Variants in ANAPC1 observed in about 807,000 individuals in gnomAD.
ANAPC1 encodes the protein anaphase-promoting complex subunit 1.
ANAPC1 carries 36 observed loss-of-function variants against 208.0 expected under a neutral mutation model. That is an observed-to-expected ratio of 0.17 (90% CI 0.13 to 0.23). The LOEUF (loss-of-function observed/expected upper bound fraction) is 0.23, where lower values mean the gene tolerates loss of function less well. Ranked by LOEUF, ANAPC1 falls within the 10% of genes least tolerant of loss-of-function variation. The pLI, the probability that ANAPC1 is intolerant of heterozygous loss-of-function variation, is 1.00. For missense variants in ANAPC1, 942 were observed against 2,011.6 expected (o/e 0.47, Z 10.17); for synonymous variants, 378 against 695.2 (o/e 0.54, Z 7.18).
intron 20 of ANAPC1, among the ~76,000 whole-genome samples, chr2:111,832,718 A>T (rs1312560738): frequency 1.3e-5 from 2 of 152,050 alleles, no homozygotes; most frequent in African/African-American, 2.4e-5. Flanking sequence ...TCACGAGGTC[A>T]GGAGATCAAG....
chr2:111,829,219 A>G (rs1679998037), intron 21 of ANAPC1, among the ~76,000 whole-genome samples: 1 of 152,204 alleles, frequency 6.6e-6, no homozygotes, highest in South Asian at 2.1e-4. Context: ...CTCAAGAAAC[A>G]ATAATAATAA....
intron 6 of ANAPC1, among the ~76,000 whole-genome samples, chr2:111,870,557 TTC>T (rs1457530541): frequency 6.6e-6 from 1 of 152,180 alleles, no homozygotes; most frequent in African/African-American, 2.4e-5. Flanking sequence ...CTTTTTGAGC[TTC>T]TGTCTTGCTG....
At chr2:111,828,911 T>C (rs1679978610) in intron 21 of ANAPC1, among the ~76,000 whole-genome samples, 1 of 152,148 alleles carries the variant, frequency 6.6e-6, no homozygotes, top group East Asian at 1.9e-4. Context: ...GCCACTGGAT[T>C]GTACACTCAA....
At chr2:111,854,612 T>C (rs555454915) in intron 13 of ANAPC1, among the ~76,000 whole-genome samples, 43 of 152,346 alleles carry the variant, frequency 2.8e-4, no homozygotes, top group African/African-American at 1.0e-3. Context: ...TAGCAGCTTC[T>C]ACATCAGCAC....
intron 28 of ANAPC1, among the ~76,000 whole-genome samples, chr2:111,810,004 T>C (rs1272030582): frequency 3.4e-5 from 5 of 147,896 alleles, no homozygotes; most frequent in Admixed American, 6.8e-5. Flanking sequence ...AAAACATGTA[T>C]ACAAATGTTC....
chr2:111,778,501 G>T (rs1677104965), intron 45 of ANAPC1, among the ~76,000 whole-genome samples, 174 bp downstream of exon 45: 2 of 146,716 alleles, frequency 1.4e-5, no homozygotes, highest in Non-Finnish European at 3.0e-5. Context: ...TAAAGCCCAA[G>T]CTTTTTGGAT....
intron 28 of ANAPC1, among the ~76,000 whole-genome samples, chr2:111,812,224 ATGTC>A (rs1228900813): frequency 7.4e-6 from 1 of 134,784 alleles, no homozygotes; most frequent in African/African-American, 2.8e-5. Flanking sequence ...CCTTAATCAA[ATGTC>A]TGAGCTTTCA....
chr2:111,810,206 A>G (rs553077969), intron 28 of ANAPC1, among the ~76,000 whole-genome samples: 1 of 151,900 alleles, frequency 6.6e-6, no homozygotes, highest in African/African-American at 2.4e-5. Flanking sequence ...CTAAAATACC[A>G]TATTTTATAT....
At chr2:111,864,654 G>T (rs1189566192) in intron 8 of ANAPC1, 152 bp downstream of exon 8, 5 of 1,250,808 alleles carry the variant, frequency 4.0e-6, no homozygotes, top group Non-Finnish European at 5.4e-6. Flanking sequence ...TATAGATGGG[G>T]TTTCACCATG....
intron 1 of ANAPC1, among the ~76,000 whole-genome samples, chr2:111,881,799 C>A (rs2104619828): frequency 6.6e-6 from 1 of 152,276 alleles, no homozygotes; most frequent in Non-Finnish European, 1.5e-5. Flanking sequence ...ATCAAGGAAC[C>A]ACATTAGCAT....
At chr2:111,842,899 C>T (rs933084564) in intron 17 of ANAPC1, among the ~76,000 whole-genome samples, 3 of 152,080 alleles carry the variant, frequency 2.0e-5, no homozygotes, top group African/African-American at 7.2e-5. Context: ...AGAGGTAAGG[C>T]TTTATACCAT....
At chr2:111,862,180 A>G (rs1242492672) in intron 10 of ANAPC1, among the ~76,000 whole-genome samples, 2 of 152,046 alleles carry the variant, frequency 1.3e-5, no homozygotes, top group Non-Finnish European at 2.9e-5. Flanking sequence ...CTGGGATTAC[A>G]GGCATGAACC....
chr2:111,843,716 A>G, intron 16 of ANAPC1, 117 bp from the exon 17 acceptor site: 4 of 818,812 alleles, frequency 4.9e-6, no homozygotes, highest in Non-Finnish European at 7.5e-6. Context: ...TGAAAAGAAA[A>G]CTGTCATTAA....
chr2:111,775,626 A>C (rs1676964801), intron 46 of ANAPC1, among the ~76,000 whole-genome samples: 1 of 152,240 alleles, frequency 6.6e-6, no homozygotes, highest in Admixed American at 6.5e-5. Flanking sequence ...AAACCACCAA[A>C]TGCGCTAAAG....
rs149309834 is a variant in ANAPC1 at position 111,831,340 on chromosome 2, C to T, written c.2571G>A (p.Met857Ile). 1.2e-4 allele frequency: 201 copies of T among 1,611,928 alleles called. No homozygotes were observed. The East Asian group carries it at 4.5e-3, about 36-fold the overall frequency. ...WVSSCLKGEG[M>I]PPYPYLPGIC... ...TTCCAGGGAGGTAAGGATAAGGTGG[C>T]ATTCCTTCACCCTTCAGACAAGAAC... The change falls in exon 21 of 48, where the codon ATG becomes ATA. Residue 857 changes from methionine to isoleucine, a missense_variant. Transcript: ENST00000341068.
intron 3 of ANAPC1, among the ~76,000 whole-genome samples, chr2:111,878,038 C>G (rs1683106938): frequency 6.6e-6 from 1 of 152,144 alleles, no homozygotes; most frequent in Non-Finnish European, 1.5e-5. Context: ...AACTCAATCA[C>G]TTGATTGAGG....
chr2:111,882,737 CAA>C (rs11450941), intron 1 of ANAPC1, among the ~76,000 whole-genome samples: 11 of 114,304 alleles, frequency 9.6e-5, no homozygotes, highest in Admixed American at 9.0e-5. Context: ...AACTCCGTCT[CAA>C]AAAAAAAAAA....
At chr2:111,826,131 T>C (rs1679818340) in intron 21 of ANAPC1, among the ~76,000 whole-genome samples, 1 of 152,150 alleles carries the variant, frequency 6.6e-6, no homozygotes, top group Non-Finnish European at 1.5e-5. Flanking sequence ...CGAGCAATCC[T>C]TCTGCCTCAG....
intron 20 of ANAPC1, among the ~76,000 whole-genome samples, chr2:111,832,673 T>C (rs1156826906): frequency 2.6e-5 from 4 of 152,100 alleles, no homozygotes; most frequent in African/African-American, 9.7e-5. Flanking sequence ...CTCACGCCTG[T>C]AATCCCAGCA....
Sources: allele counts gnomAD v4.1 joint callset (sites outside exome capture counted in the v4.1 genomes callset), GRCh38; gene constraint gnomAD v4.1.1; transcripts MANE v1.5; gene names NCBI Gene and HGNC (gene_info 2026-07-23, HGNC 2026-07-21).